Variants in IL12RB1 observed in about 807,000 individuals in gnomAD.
The protein encoded by IL12RB1 is interleukin 12 receptor subunit beta 1, also known as interleukin-12 receptor subunit beta-1.
In IL12RB1, 64 loss-of-function variants were observed where a neutral mutation model predicts 94.4. That is an observed-to-expected ratio of 0.68 (90% CI 0.55 to 0.83). The LOEUF is 0.83. IL12RB1 is among the 40% of genes least tolerant of loss of function. The probability of loss-of-function intolerance (pLI) is 0.00; values close to 1 mark genes in which losing one functional copy is unlikely to be tolerated. For synonymous variants in IL12RB1, 362 were observed against 355.5 expected (o/e 1.02, Z -0.21); for missense variants, 814 against 855.6 (o/e 0.95, Z 0.61).
chr19:18,079,978 C>T (rs2035772772), intron 4 of IL12RB1, among the ~76,000 whole-genome samples: 1 of 152,206 alleles, frequency 6.6e-6, no homozygotes, highest in Admixed American at 6.5e-5. Flanking sequence ...GCTTACTTCA[C>T]TCAGCGTAAT....
intron 12 of IL12RB1, among the ~76,000 whole-genome samples, chr19:18,065,907 T>C (rs2034543011): frequency 6.6e-6 from 1 of 151,910 alleles, no homozygotes; most frequent in African/African-American, 2.4e-5. Context: ...TGCATGGTGG[T>C]GTGCACCTGT....
intron 2 of IL12RB1, chr19:18,083,006 C>T: frequency 3.5e-6 from 1 of 287,398 alleles, no homozygotes; most frequent in East Asian, 9.0e-5. Context: ...TAGCTTGAAC[C>T]TGGAAGGTGG....
At chr19:18,097,617 T>A (rs2146673642) in intron 1 of IL12RB1, among the ~76,000 whole-genome samples, 1 of 152,254 alleles carries the variant, frequency 6.6e-6, no homozygotes, top group Non-Finnish European at 1.5e-5. Flanking sequence ...TTCTGCGCTC[T>A]GCTGGAGGGG....
chr19:18,093,527 T>C (rs907387857), intron 1 of IL12RB1, among the ~76,000 whole-genome samples: 1 of 152,206 alleles, frequency 6.6e-6, no homozygotes, highest in East Asian at 1.9e-4. Context: ...GAGACCTCTC[T>C]GGTGGCTCTC....
intron 1 of IL12RB1, among the ~76,000 whole-genome samples, chr19:18,094,848 G>T (rs57757608): frequency 0.019 from 2,917 of 151,944 alleles, 97 homozygotes; most frequent in African/African-American, 0.065. Context: ...GACCCCGGAA[G>T]TCCATTCCTA....
Position 18,072,303 on chromosome 19 carries a change from C to G in IL12RB1, c.830G>C (p.Gly277Ala). The G allele has an allele frequency of 6.2e-7, 1 of 1,614,028 alleles. No individual in the cohort carries two copies. The highest frequency in any genetic ancestry group is 8.5e-7 in the Non-Finnish European group (1 of 1,179,972). ...LPEGCQGLAPGTEVTYRLQLH... is the reference protein window; with the variant it reads ...LPEGCQGLAPATEVTYRLQLH... Reference sequence around the variant, plus strand: ...CTGTAGTCGGTAAGTGACCTCCGTGCCAGGCGCCAGCCCTTGACAGCCTTC... The same window carrying G: ...CTGTAGTCGGTAAGTGACCTCCGTGGCAGGCGCCAGCCCTTGACAGCCTTC... The change falls in exon 9 of 17, where the codon GGC (glycine) becomes GCC (alanine). Residue 277 changes from glycine to alanine, a missense_variant. Transcript: ENST00000593993.
chr19:18,072,376 T>C, intron 8 of IL12RB1, 27 bp from the exon 9 acceptor site: 1 of 1,445,536 alleles, frequency 6.9e-7, no homozygotes, highest in Non-Finnish European at 9.7e-7. Context: ...AGACAGCTTG[T>C]GGGTACCTGA....
chr19:18,061,455 C>G (rs2034122416), intron 14 of IL12RB1, among the ~76,000 whole-genome samples: 1 of 152,012 alleles, frequency 6.6e-6, no homozygotes, highest in Non-Finnish European at 1.5e-5. Flanking sequence ...GTGTCCAACT[C>G]CTGGCCTAAA....
At chr19:18,060,623 C>A (rs909115567) in intron 15 of IL12RB1, among the ~76,000 whole-genome samples, 1 of 152,100 alleles carries the variant, frequency 6.6e-6, no homozygotes, top group African/African-American at 2.4e-5. Flanking sequence ...CCCACCTCAG[C>A]TCTAGCAATG....
intron 12 of IL12RB1, among the ~76,000 whole-genome samples, chr19:18,064,945 C>A (rs893854741): frequency 1.3e-5 from 2 of 152,134 alleles, no homozygotes; most frequent in African/African-American, 4.8e-5. Flanking sequence ...TGGCAACACC[C>A]GGAAATTACC....
intron 15 of IL12RB1, among the ~76,000 whole-genome samples, chr19:18,060,904 A>T (rs2034076190): frequency 6.6e-6 from 1 of 152,084 alleles, no homozygotes; most frequent in South Asian, 2.1e-4. Flanking sequence ...GATTTTTTCC[A>T]TCAGGTTTCC....
chr19:18,086,026 G>C (rs2036308846), intron 1 of IL12RB1, among the ~76,000 whole-genome samples: 1 of 152,008 alleles, frequency 6.6e-6, no homozygotes, highest in South Asian at 2.1e-4. Context: ...GACCAGCCTG[G>C]GCAACACAGC....
intron 13 of IL12RB1, among the ~76,000 whole-genome samples, chr19:18,063,163 A>C (rs1027876738): frequency 1.9e-4 from 24 of 126,864 alleles, no homozygotes; most frequent in Non-Finnish European, 9.3e-5. Flanking sequence ...TGGTGCAGTC[A>C]CGGCTCACTG....
intron 16 of IL12RB1, 81 bp from the exon 17 acceptor site, chr19:18,059,694 G>A (rs372962183): frequency 3.1e-5 from 24 of 773,124 alleles, no homozygotes; most frequent in Non-Finnish European, 5.1e-5. Context: ...GGATGGAATG[G>A]GCTGGGTATG....
chr19:18,060,269 A>G (rs1482574881), intron 15 of IL12RB1, among the ~76,000 whole-genome samples, 184 bp from the exon 16 acceptor site: 1 of 152,144 alleles, frequency 6.6e-6, no homozygotes, highest in African/African-American at 2.4e-5. Context: ...ACTTGAGGTC[A>G]GCAGTTTGAG....
chr19:18,094,330 T>C (rs1445073113), intron 1 of IL12RB1, among the ~76,000 whole-genome samples: 1 of 151,374 alleles, frequency 6.6e-6, no homozygotes, highest in Non-Finnish European at 1.5e-5. Context: ...GGTTTCACCA[T>C]GTTGCCCAGG....
Position 18,059,617 on chromosome 19 carries a change from TA to T in IL12RB1, c.1984-5del, listed in dbSNP as rs1555778169. On this transcript the variant is annotated splice_region_variant and splice_polypyrimidine_tract_variant and intron_variant, in intron 16 of 16. Transcript: ENST00000593993. ...CTCTGAGCCTCAACGATCACATCTGTAAAGTACAACAGTCATGGTTCCTTTC... is the reference window on the plus strand; with the variant it reads ...CTCTGAGCCTCAACGATCACATCTGTAAGTACAACAGTCATGGTTCCTTTC... 1 of 780,468 alleles carries T rather than the reference TA, an allele frequency of 1.3e-6. No individual in the cohort carries two copies. Among genetic ancestry groups the T allele is most frequent in the African/African-American group, 1.7e-5 (1 of 59,120 alleles). 48.3% of individuals were successfully genotyped at this position (780,468 alleles called of 1,614,324 possible). A position where few individuals can be genotyped will look rare whatever the true frequency, so the allele number is the denominator to read the frequency against.
chr19:18,083,040 G>A, intron 2 of IL12RB1: 4 of 346,770 alleles, frequency 1.2e-5, no homozygotes, highest in Admixed American at 3.9e-5. Context: ...CTGTGATCAG[G>A]CCACTGCACT....
chr19:18,075,651 C>A, intron 7 of IL12RB1, 98 bp downstream of exon 7: 1 of 1,093,170 alleles, frequency 9.1e-7, no homozygotes. Flanking sequence ...CCCGCCTCAG[C>A]CTTCTGAGCA....
Sources: allele counts gnomAD v4.1 joint callset (sites outside exome capture counted in the v4.1 genomes callset), GRCh38; gene constraint gnomAD v4.1.1; transcripts MANE v1.5; gene names NCBI Gene and HGNC (gene_info 2026-07-23, HGNC 2026-07-21).